Variants in NCAM2 observed in about 807,000 individuals in gnomAD.
The protein encoded by NCAM2 is neural cell adhesion molecule 2.
NCAM2 carries 30 observed loss-of-function variants against 98.1 expected under a neutral mutation model. The observed-to-expected ratio is 0.31, with a 90% confidence interval of 0.23 to 0.41. The LOEUF is 0.41. Among genes scored for constraint, NCAM2 ranks in the 10% least tolerant of loss-of-function variants. The probability of loss-of-function intolerance (pLI) is 1.00; values close to 1 mark genes in which losing one functional copy is unlikely to be tolerated. For missense variants in NCAM2, 867 were observed against 1,005.8 expected, an observed-to-expected ratio of 0.86 and a Z score of 1.87; for synonymous variants, 368 against 342.4, an observed-to-expected ratio of 1.07 and a Z score of -0.83.
rs1395936053 is a variant in NCAM2, at chr21:21,539,414, G to A, written c.*1457G>A. On this transcript the variant is annotated 3_prime_UTR_variant, in exon 18 of 18. Coordinates refer to ENST00000400546, the MANE Select transcript of NCAM2 (RefSeq NM_004540.5). ...TATAGCTCAAATAGTGACAGGACAGGGAATGCGTTCCAAAGGAATATTGGA... is the reference window on the plus strand; with the variant it reads ...TATAGCTCAAATAGTGACAGGACAGAGAATGCGTTCCAAAGGAATATTGGA... The A allele has an allele frequency of 6.6e-6, 1 of 152,080 alleles. No homozygotes were observed. The highest frequency in any genetic ancestry group is 1.5e-5 in the Non-Finnish European group (1 of 68,026). 9.4% of individuals were successfully genotyped at this position (152,080 alleles called of 1,614,324 possible). A position where few individuals can be genotyped will look rare whatever the true frequency, so the allele number is the denominator to read the frequency against.
intron 5 of NCAM2, among the ~76,000 whole-genome samples, chr21:21,314,908 T>A (rs2074171887): frequency 6.6e-6 from 1 of 152,210 alleles, no homozygotes; most frequent in Non-Finnish European, 1.5e-5. Flanking sequence ...TGCTTTAAAA[T>A]AGCTTTTAGA....
intron 12 of NCAM2, among the ~76,000 whole-genome samples, chr21:21,461,235 A>G (rs1281799883): frequency 6.6e-6 from 1 of 151,952 alleles, no homozygotes; most frequent in African/African-American, 2.4e-5. Flanking sequence ...GAAAAATACT[A>G]TAAATTGTTT....
At chr21:21,500,788 T>G (rs1209536015) in intron 15 of NCAM2, among the ~76,000 whole-genome samples, 3 of 152,076 alleles carry the variant, frequency 2.0e-5, no homozygotes, top group Non-Finnish European at 4.4e-5. Context: ...ATGTAAGGTC[T>G]TCCCTGTAGA....
At chr21:21,333,570 C>CT (rs2074773715) in intron 6 of NCAM2, among the ~76,000 whole-genome samples, 1 of 152,108 alleles carries the variant, frequency 6.6e-6, no homozygotes, top group Admixed American at 6.5e-5. Flanking sequence ...AGATAACCCT[C>CT]TTTTTTAGAA....
chr21:21,163,098 C>T (rs368479936), intron 1 of NCAM2, among the ~76,000 whole-genome samples: 1 of 152,146 alleles, frequency 6.6e-6, no homozygotes, highest in African/African-American at 2.4e-5. Context: ...AAGAGATGTT[C>T]ATATAATCAT....
intron 1 of NCAM2, among the ~76,000 whole-genome samples, chr21:21,101,515 A>G (rs147809169): frequency 6.6e-6 from 1 of 152,168 alleles, no homozygotes; most frequent in African/African-American, 2.4e-5. Context: ...CCCATGTATA[A>G]ATTCCACCTT....
At chr21:21,166,391 G>T (rs1601546089) in intron 1 of NCAM2, among the ~76,000 whole-genome samples, 2 of 151,860 alleles carry the variant, frequency 1.3e-5, no homozygotes, top group South Asian at 4.2e-4. Flanking sequence ...TATTTTTAGT[G>T]GAGACGGGGT....
intron 1 of NCAM2, among the ~76,000 whole-genome samples, chr21:21,091,474 G>A (rs1012000679): frequency 2.6e-5 from 4 of 152,078 alleles, no homozygotes; most frequent in Admixed American, 2.0e-4. Context: ...TAATACATAT[G>A]TATTAGTATG....
At chr21:21,267,185 CATAA>C (rs760083283) in intron 1 of NCAM2, among the ~76,000 whole-genome samples, 2 of 152,112 alleles carry the variant, frequency 1.3e-5, no homozygotes, top group African/African-American at 2.4e-5. Context: ...ACTAGTTAGA[CATAA>C]ATAAAGCACT....
intron 16 of NCAM2, among the ~76,000 whole-genome samples, chr21:21,520,885 C>G (rs1306240466): frequency 7.0e-6 from 1 of 142,226 alleles, no homozygotes; most frequent in African/African-American, 3.1e-5. Context: ...TCCAGGATGA[C>G]TTAGTCATAG....
intron 15 of NCAM2, among the ~76,000 whole-genome samples, chr21:21,501,588 GT>G (rs1987638041): frequency 6.9e-6 from 1 of 145,718 alleles, no homozygotes; most frequent in South Asian, 2.2e-4. Context: ...GTCAATCAAT[GT>G]TTATGAAGCA....
At chr21:21,430,319 G>A (rs1297336236) in intron 11 of NCAM2, among the ~76,000 whole-genome samples, 5 of 148,588 alleles carry the variant, frequency 3.4e-5, no homozygotes, top group African/African-American at 7.4e-5. Flanking sequence ...AAGCCATCAT[G>A]CCCAGCCCCA....
intron 1 of NCAM2, among the ~76,000 whole-genome samples, chr21:20,999,669 AATAAT>A (rs1264443624): frequency 1.3e-5 from 2 of 152,236 alleles, no homozygotes; most frequent in Non-Finnish European, 2.9e-5. Context: ...GGTTTTTTAA[AATAAT>A]ATAATAAATT....
intron 8 of NCAM2, among the ~76,000 whole-genome samples, chr21:21,344,167 G>T (rs552654746): frequency 6.6e-6 from 1 of 152,148 alleles, no homozygotes; most frequent in Admixed American, 6.5e-5. Flanking sequence ...TGGCTTTCAT[G>T]AAAGGACCCA....
intron 9 of NCAM2, among the ~76,000 whole-genome samples, chr21:21,404,117 C>T (rs1379277270): frequency 1.3e-5 from 2 of 152,010 alleles, no homozygotes; most frequent in Non-Finnish European, 2.9e-5. Flanking sequence ...GAAATAAAGC[C>T]TCTTTCAATT....
At chr21:21,142,076 C>T (rs1028531880) in intron 1 of NCAM2, among the ~76,000 whole-genome samples, 6 of 152,166 alleles carry the variant, frequency 3.9e-5, no homozygotes, top group Non-Finnish European at 7.4e-5. Flanking sequence ...ACATCTTGAT[C>T]TCCTTTCTTC....
At position 21,272,503 on chromosome 21, in the gene NCAM2, C is replaced by CGT. The variant is rs1568867318; in HGVS notation, c.56-8074_56-8073insTG. Reference sequence around the variant, plus strand: ...ACGCACACATACACACACATGCGCGCGCGCGCACACACACACACACACACA... The same window carrying CGT: ...ACGCACACATACACACACATGCGCGCGTGCGCGCACACACACACACACACACA... On this transcript the variant is annotated intron_variant, in intron 1 of 17. Coordinates refer to ENST00000400546, the MANE Select transcript of NCAM2 (RefSeq NM_004540.5). 4.7e-4 allele frequency among the ~76,000 whole-genome samples: 26 copies of CGT among 55,914 alleles called. 2 individuals carry two copies. Among genetic ancestry groups the CGT allele is most frequent in the East Asian group, 7.5e-4 (1 of 1,334 alleles). 36.7% of individuals were successfully genotyped at this position (55,914 alleles called of 152,430 possible).
intron 1 of NCAM2, among the ~76,000 whole-genome samples, chr21:21,182,348 A>T (rs191952730): frequency 6.6e-6 from 1 of 152,176 alleles, no homozygotes; most frequent in Non-Finnish European, 1.5e-5. Context: ...AGAGGCAAAC[A>T]TCTCTACCAT....
intron 12 of NCAM2, among the ~76,000 whole-genome samples, chr21:21,433,113 G>C (rs1440419189): frequency 6.6e-6 from 1 of 152,102 alleles, no homozygotes; most frequent in Non-Finnish European, 1.5e-5. Flanking sequence ...AATCATCCTG[G>C]TCTCATCTGT....
Sources: allele counts gnomAD v4.1 joint callset (sites outside exome capture counted in the v4.1 genomes callset), GRCh38; gene constraint gnomAD v4.1.1; transcripts MANE v1.5; gene names NCBI Gene and HGNC (gene_info 2026-07-23, HGNC 2026-07-21).